SDHAF2: variants seen among roughly 807,000 people sequenced by gnomAD.
The protein encoded by SDHAF2 is succinate dehydrogenase complex assembly factor 2.
SDHAF2 carries 21 observed loss-of-function variants against 18.5 expected under a neutral mutation model. That is an observed-to-expected ratio of 1.13 (90% CI 0.80 to 1.63). The LOEUF (loss-of-function observed/expected upper bound fraction) is 1.63. Among genes scored for constraint, SDHAF2 ranks in the 40% most tolerant of loss-of-function variants. The pLI, the probability that SDHAF2 is intolerant of heterozygous loss-of-function variation, is 0.00. For synonymous variants in SDHAF2, 84 were observed against 70.7 expected, an observed-to-expected ratio of 1.19 and a Z score of -0.94; for missense variants, 195 against 200.3, an observed-to-expected ratio of 0.97 and a Z score of 0.16.
At chr11:61,438,352 A>G in intron 3 of SDHAF2, 1 of 595,432 alleles carries the variant, frequency 1.7e-6, no homozygotes, top group South Asian at 2.1e-5. Flanking sequence ...GGCATGTGTC[A>G]CCACACCCGG....
At chr11:61,434,454 G>A (rs1565127564) in intron 1 of SDHAF2, 1 of 152,152 alleles carries the variant, frequency 6.6e-6, no homozygotes, top group Non-Finnish European at 1.5e-5. Flanking sequence ...TGGGATTACA[G>A]GCATTAGCCA....
Position 61,446,416 on chromosome 11 carries a change from A to G in SDHAF2, c.*345A>G. On this transcript the variant is annotated 3_prime_UTR_variant, in exon 4 of 4. Transcript: ENST00000301761. ...CATTGCCTCAGCCCAAGTGTACTCA[A>G]AGAAAAGAGGCAGCCAGCTGTGCGT... The G allele has an allele frequency of 1.7e-6, 1 of 575,234 alleles. No homozygotes were observed. Among genetic ancestry groups the G allele is most frequent in the Non-Finnish European group, 3.1e-6 (1 of 324,974 alleles). The allele number at this position is 575,234 out of a possible 1,614,324, so 35.6% of individuals were successfully genotyped here. A position where few individuals can be genotyped will look rare whatever the true frequency, so the allele number is the denominator to read the frequency against.
chr11:61,442,535 TATTTGATATTTATATATGTAGGC>T (rs1411092650), intron 3 of SDHAF2, among the ~76,000 whole-genome samples: 1 of 152,238 alleles, frequency 6.6e-6, no homozygotes. Context: ...CATAGGTATT[TATTTGATATTTATATATGTAGGC>T]ATTTGATATT....
chr11:61,430,447 G>A (rs1316469380), intron 1 of SDHAF2: 1 of 557,012 alleles, frequency 1.8e-6, no homozygotes, highest in Non-Finnish European at 3.2e-6. Flanking sequence ...TACGTCCCAG[G>A]CGGGATTAGC....
intron 1 of SDHAF2, chr11:61,436,952 T>C (rs953853160): frequency 2.4e-6 from 3 of 1,260,620 alleles, no homozygotes; most frequent in African/African-American, 3.1e-5. Flanking sequence ...TGCTCAGGAT[T>C]TGACACAGGT....
intron 1 of SDHAF2, chr11:61,434,105 G>C (rs1861965423): frequency 6.6e-6 from 1 of 152,184 alleles, no homozygotes. Flanking sequence ...GGACTTCTTT[G>C]GGTTCATGTT....
intron 1 of SDHAF2, chr11:61,430,553 G>T: frequency 2.9e-6 from 1 of 349,564 alleles, no homozygotes; most frequent in Non-Finnish European, 5.2e-6. Context: ...GTTTATAATT[G>T]ACATATAATT....
chr11:61,430,464 TC>T (rs1861858373), intron 1 of SDHAF2: 1 of 539,764 alleles, frequency 1.9e-6, no homozygotes, highest in East Asian at 3.0e-5. Flanking sequence ...TAGCCCAACT[TC>T]CCTGGGCTCC....
chr11:61,435,477 AT>A (rs1861981888), intron 1 of SDHAF2: 1 of 152,002 alleles, frequency 6.6e-6, no homozygotes, highest in African/African-American at 2.4e-5. Flanking sequence ...TGTACTGGTG[AT>A]TTCTACATTT....
chr11:61,445,509 T>C (rs150161665), intron 3 of SDHAF2, among the ~76,000 whole-genome samples: 2 of 152,202 alleles, frequency 1.3e-5, no homozygotes, highest in East Asian at 1.9e-4. Context: ...TCAAGAGATA[T>C]ATACATTGCA....
chr11:61,439,426 C>T (rs953524490), intron 3 of SDHAF2, among the ~76,000 whole-genome samples: 1 of 152,238 alleles, frequency 6.6e-6, no homozygotes, highest in South Asian at 2.1e-4. Context: ...AGCTTAGTTA[C>T]TTGGCTACGT....
Position 61,437,694 on chromosome 11 carries a change from A to G in SDHAF2, c.106A>G (p.Arg36Gly), listed in dbSNP as rs1413272315. The G allele has an allele frequency of 6.2e-7, 1 of 1,614,114 alleles. No individual in the cohort carries two copies. Among genetic ancestry groups the G allele is most frequent in the Non-Finnish European group, 8.5e-7 (1 of 1,180,044 alleles). ...TGTGACATCATTCAGACGCTTCTAC[A>G]GAGGTGACAGCCCAACAGATTCCCA... ...LSVTSFRRFY[R>G]GDSPTDSQKD... Residue 36 changes from arginine to glycine, a missense_variant, in exon 2 of 4, where the codon AGA becomes GGA. Transcript: ENST00000301761.
rs750979204 is a variant in SDHAF2, at chr11:61,438,058, T to C, written c.315T>C (p.Tyr105=). 26 of 1,614,150 alleles carry C rather than the reference T, an allele frequency of 1.6e-5. 1 individual carries two copies. The South Asian group carries it at 2.9e-4, about 18-fold the overall frequency. Residue 105 remains tyrosine (Y), a synonymous_variant, in exon 3 of 4, where the codon TAT becomes TAC. Transcript: ENST00000301761. ...QHMTEKQLNL[Y]DRLINEPSND... ...TGACAGAAAAGCAGCTGAACCTCTATGACCGCCTGATTAACGAGCCTAGTA... is the reference window on the plus strand; with the variant it reads ...TGACAGAAAAGCAGCTGAACCTCTACGACCGCCTGATTAACGAGCCTAGTA...
chr11:61,439,078 A>G (rs1048902384), intron 3 of SDHAF2, among the ~76,000 whole-genome samples: 2 of 152,130 alleles, frequency 1.3e-5, no homozygotes, highest in Admixed American at 1.3e-4. Context: ...CACTACCTTT[A>G]TGAGGAATGA....
At chr11:61,431,255 TA>T (rs1861899366) in intron 1 of SDHAF2, 1 of 152,284 alleles carries the variant, frequency 6.6e-6, no homozygotes, top group Non-Finnish European at 1.5e-5. Context: ...ACTCCAGACT[TA>T]AGGTGATCCG....
At chr11:61,440,035 G>T (rs796403139) in intron 3 of SDHAF2, among the ~76,000 whole-genome samples, 3 of 152,298 alleles carry the variant, frequency 2.0e-5, no homozygotes, top group South Asian at 2.1e-4. Context: ...GGTAGCTCAT[G>T]CCTGTAATTT....
In SDHAF2 at chr11:61,446,097, G is replaced by T. The variant is rs1189714813; in HGVS notation, c.*26G>T. ...GCTGTGCTCCACGGCCTGGCATGGG[G>T]GTTCAGTCTGTGGATGGTAACTACT... On this transcript the variant is annotated 3_prime_UTR_variant, in exon 4 of 4. Coordinates refer to ENST00000301761, the MANE Select transcript of SDHAF2 (RefSeq NM_017841.4). 3 of 1,613,850 alleles carry T rather than the reference G, an allele frequency of 1.9e-6. No individual in the cohort carries two copies. The highest frequency in any genetic ancestry group is 2.5e-6 in the Non-Finnish European group (3 of 1,179,952).
intron 3 of SDHAF2, among the ~76,000 whole-genome samples, chr11:61,439,220 T>C (rs775327612): frequency 3.9e-5 from 6 of 152,114 alleles, no homozygotes; most frequent in Non-Finnish European, 5.9e-5. Flanking sequence ...CCAGAGCTCA[T>C]AGAGGGGCTT....
rs1554984610 is a variant in SDHAF2, at chr11:61,437,618, A to G, written c.37-7A>G. 6.2e-7 allele frequency: 1 copy of G among 1,611,284 alleles called. No individual in the cohort carries two copies. The highest frequency in any genetic ancestry group is 8.5e-7 in the Non-Finnish European group (1 of 1,177,364). On this transcript the variant is annotated splice_region_variant and splice_polypyrimidine_tract_variant and intron_variant, in intron 1 of 3. Transcript: ENST00000301761. The stretch of plus-strand genomic sequence containing the variant: ...TTGTAAAGATGTTTGTGGTTTGTTC[A>G]TTTCAGATGCTTGCTCTGTCAAGGC...
Sources: gnomAD v4.1 joint callset for allele counts (sites outside exome capture counted in the v4.1 genomes callset) on GRCh38, gnomAD v4.1.1 for gene constraint, MANE v1.5 for transcripts, NCBI Gene and HGNC (gene_info 2026-07-23, HGNC 2026-07-21) for gene names.